PELI2: variants seen among roughly 807,000 people sequenced by gnomAD.
The protein encoded by PELI2 is pellino E3 ubiquitin protein ligase family member 2, also known as E3 ubiquitin-protein ligase pellino homolog 2.
PELI2 carries 23 observed loss-of-function variants against 42.3 expected under a neutral mutation model. That is an observed-to-expected ratio of 0.54 (90% CI 0.39 to 0.77). The LOEUF (loss-of-function observed/expected upper bound fraction) is 0.77, where lower values mean the gene tolerates loss of function less well. Ranked by LOEUF, PELI2 falls within the 30% of genes least tolerant of loss-of-function variation. The probability of loss-of-function intolerance (pLI) is 0.00; values close to 1 mark genes in which losing one functional copy is unlikely to be tolerated. For missense variants in PELI2, 463 were observed against 553.2 expected (o/e 0.84, Z 1.64); for synonymous variants, 245 against 212.2 (o/e 1.15, Z -1.34).
intron 2 of PELI2, among the ~76,000 whole-genome samples, chr14:56,184,922 G>A (rs913059875): frequency 6.6e-6 from 1 of 151,954 alleles, no homozygotes; most frequent in African/African-American, 2.4e-5. Flanking sequence ...CAGATGACTT[G>A]GAAATGAGTC....
At chr14:56,294,767 C>T (rs1238935939) in intron 5 of PELI2, among the ~76,000 whole-genome samples, 2 of 152,174 alleles carry the variant, frequency 1.3e-5, no homozygotes, top group Non-Finnish European at 2.9e-5. Context: ...GCATTACCAC[C>T]ACCGATACTC....
At chr14:56,262,614 C>T (rs1324980518) in intron 2 of PELI2, among the ~76,000 whole-genome samples, 1 of 152,066 alleles carries the variant, frequency 6.6e-6, no homozygotes, top group Non-Finnish European at 1.5e-5. Flanking sequence ...TGTGAAGTAA[C>T]ATTTAAAATC....
intron 2 of PELI2, among the ~76,000 whole-genome samples, chr14:56,209,561 G>A (rs1886641883): frequency 6.6e-6 from 1 of 152,078 alleles, no homozygotes; most frequent in Non-Finnish European, 1.5e-5. Context: ...GTGGTAGTAT[G>A]TATTGTGGTT....
At chr14:56,263,559 A>G (rs1366001694) in intron 2 of PELI2, among the ~76,000 whole-genome samples, 4 of 152,220 alleles carry the variant, frequency 2.6e-5, no homozygotes, top group Non-Finnish European at 5.9e-5. Flanking sequence ...TGGGCAAGGA[A>G]GGAAAGAATG....
chr14:56,155,832 C>G (rs534995779), intron 1 of PELI2, among the ~76,000 whole-genome samples: 2 of 152,088 alleles, frequency 1.3e-5, no homozygotes, highest in African/African-American at 2.4e-5. Context: ...ATCCGCCCCC[C>G]CTCAGCCTCC....
At chr14:56,238,559 T>G (rs1332394956) in intron 2 of PELI2, among the ~76,000 whole-genome samples, 2 of 152,196 alleles carry the variant, frequency 1.3e-5, no homozygotes, top group African/African-American at 4.8e-5. Context: ...CCCTCATCCC[T>G]CCGTGCTCTT....
intron 1 of PELI2, among the ~76,000 whole-genome samples, chr14:56,141,466 T>A (rs1883904349): frequency 6.6e-6 from 1 of 152,170 alleles, no homozygotes; most frequent in Admixed American, 6.5e-5. Flanking sequence ...TGCCTCACAG[T>A]TTTTAGGAGA....
At chr14:56,119,605 C>T (rs556531893) in intron 1 of PELI2, 5 of 187,546 alleles carry the variant, frequency 2.7e-5, no homozygotes, top group Non-Finnish European at 5.0e-5. Context: ...TCATCTACTT[C>T]CTGAGTTTCC....
rs771353573 is a variant in PELI2 at position 56,297,024 on chromosome 14, C to T, written c.1121C>T (p.Ser374Leu). 1.9e-6 allele frequency: 3 copies of T among 1,614,020 alleles called. No individual in the cohort carries two copies. Among genetic ancestry groups the T allele is most frequent in the Non-Finnish European group, 1.7e-6 (2 of 1,180,004 alleles). Residue 374 changes from serine (S) to leucine (L), a missense_variant, in exon 6 of 6, where the codon TCG (serine) becomes TTG (leucine). By Grantham distance (145) the Ser-to-Leu change is moderately radical. Coordinates refer to ENST00000267460, the MANE Select transcript of PELI2 (RefSeq NM_021255.3). ...HAFTPCGHVC[S>L]EKSAKYWSQI... The stretch of plus-strand genomic sequence containing the variant: ...TTCACTCCCTGTGGACACGTGTGCT[C>T]GGAGAAGTCTGCAAAATACTGGTCT...
chr14:56,182,150 A>C (rs1335888283), intron 2 of PELI2, among the ~76,000 whole-genome samples: 1 of 152,228 alleles, frequency 6.6e-6, no homozygotes, highest in Non-Finnish European at 1.5e-5. Context: ...AGTTTAGACA[A>C]GGTACAAGGA....
At chr14:56,165,985 A>G (rs1233975820) in intron 1 of PELI2, among the ~76,000 whole-genome samples, 1 of 151,806 alleles carries the variant, frequency 6.6e-6, no homozygotes, top group Non-Finnish European at 1.5e-5. Context: ...AATAGACTAA[A>G]CTCTCATTAT....
intron 5 of PELI2, chr14:56,292,904 G>A: frequency 1.3e-6 from 1 of 743,172 alleles, no homozygotes; most frequent in Non-Finnish European, 1.6e-6. Flanking sequence ...AGGGCCTTGA[G>A]TATTTAATTA....
intron 1 of PELI2, among the ~76,000 whole-genome samples, chr14:56,134,047 TC>T (rs1382342015): frequency 2.0e-5 from 3 of 152,272 alleles, no homozygotes; most frequent in Non-Finnish European, 4.4e-5. Context: ...TATTTATATT[TC>T]TTTATAAAGA....
intron 1 of PELI2, among the ~76,000 whole-genome samples, chr14:56,152,594 C>A (rs1884404324): frequency 6.6e-6 from 1 of 152,116 alleles, no homozygotes; most frequent in South Asian, 2.1e-4. Flanking sequence ...CTGTCCTGCA[C>A]AGGTCTTGTT....
chr14:56,136,196 G>T (rs1883684198), intron 1 of PELI2, among the ~76,000 whole-genome samples: 1 of 152,104 alleles, frequency 6.6e-6, no homozygotes, highest in Non-Finnish European at 1.5e-5. Context: ...GTTATCCAGG[G>T]TTCCACTGGT....
In PELI2 at chr14:56,298,046, A is replaced by G. The variant is rs557632798; in HGVS notation, c.*880A>G. The G allele has an allele frequency of 3.9e-5, 6 of 152,102 alleles. No individual in the cohort carries two copies. Among genetic ancestry groups the G allele is most frequent in the African/African-American group, 1.2e-4 (5 of 41,398 alleles). 9.4% of individuals were successfully genotyped at this position (152,102 alleles called of 1,614,324 possible). A position where few individuals can be genotyped will look rare whatever the true frequency, so the allele number is the denominator to read the frequency against. ...TTGCTGACTGAATTAAGATTTAAGAATGATTAAAAATAAGCTTTTACTTTT... is the reference window on the plus strand; with the variant it reads ...TTGCTGACTGAATTAAGATTTAAGAGTGATTAAAAATAAGCTTTTACTTTT... On this transcript the variant is annotated 3_prime_UTR_variant, in exon 6 of 6. Coordinates refer to ENST00000267460, the MANE Select transcript of PELI2 (RefSeq NM_021255.3).
At position 56,187,086 on chromosome 14, in the gene PELI2, T is replaced by C. The variant is rs555295814; in HGVS notation, c.207+8622T>C. 2.0e-5 allele frequency among the ~76,000 whole-genome samples: 3 copies of C among 152,330 alleles called. No individual in the cohort carries two copies. The South Asian group carries it at 6.2e-4, about 32-fold the overall frequency. On this transcript the variant is annotated intron_variant, in intron 2 of 5. Transcript: ENST00000267460. Reference sequence around the variant, plus strand: ...TTAAAAAGTTCAAGGAAGCTCAGTATGTTGACCTAAGTCACTAAGCCAGGT... The same window carrying C: ...TTAAAAAGTTCAAGGAAGCTCAGTACGTTGACCTAAGTCACTAAGCCAGGT...
chr14:56,268,766 A>C (rs189523971), intron 2 of PELI2, among the ~76,000 whole-genome samples: 10 of 152,286 alleles, frequency 6.6e-5, no homozygotes, highest in Admixed American at 2.6e-4. Flanking sequence ...TGAAGTGACC[A>C]GCAGTTACGA....
chr14:56,248,349 G>A (rs1341082965), intron 2 of PELI2, among the ~76,000 whole-genome samples: 1 of 152,026 alleles, frequency 6.6e-6, no homozygotes, highest in African/African-American at 2.4e-5. Context: ...ACTCTGAAGT[G>A]AGAGAATACA....
Sources: gnomAD v4.1 joint callset for allele counts (sites outside exome capture counted in the v4.1 genomes callset) on GRCh38, gnomAD v4.1.1 for gene constraint, MANE v1.5 for transcripts, NCBI Gene and HGNC (gene_info 2026-07-23, HGNC 2026-07-21) for gene names.